The following ZNF385D variants were observed in gnomAD, a reference collection of about 807,000 sequenced individuals.
ZNF385D encodes zinc finger protein 659.
Under a neutral mutation model 35.8 loss-of-function variants are expected in ZNF385D, and 15 were observed. The ratio of observed to expected loss-of-function variants is 0.42; its 90% CI spans 0.28 to 0.64. ZNF385D has a LOEUF of 0.64. ZNF385D is among the 30% of genes least tolerant of loss of function. The pLI is 0.23. For synonymous variants in ZNF385D, 212 were observed against 186.8 expected (o/e 1.13, Z -1.10); for missense variants, 474 against 494.6 (o/e 0.96, Z 0.39).
At chr3:21,932,797 C>A (rs899943144) in intron 3 of ZNF385D, among the ~76,000 whole-genome samples, 1 of 152,084 alleles carries the variant, frequency 6.6e-6, no homozygotes, top group Non-Finnish European at 1.5e-5. Flanking sequence ...AGAATAAAAA[C>A]AGCATAGAAA....
chr3:22,098,667 A>G (rs1247085325), intron 3 of ZNF385D, among the ~76,000 whole-genome samples: 3 of 152,114 alleles, frequency 2.0e-5, no homozygotes, highest in Non-Finnish European at 2.9e-5. Flanking sequence ...AATGACATGA[A>G]CAATTTATTC....
chr3:21,839,212 G>C (rs1019568952), intron 3 of ZNF385D, among the ~76,000 whole-genome samples: 6 of 151,936 alleles, frequency 3.9e-5, no homozygotes, highest in African/African-American at 1.4e-4. Context: ...CCATTTTTTT[G>C]GTAACATTTT....
intron 3 of ZNF385D, among the ~76,000 whole-genome samples, chr3:21,854,962 G>A (rs1696626205): frequency 6.6e-6 from 1 of 151,792 alleles, no homozygotes; most frequent in South Asian, 2.1e-4. Flanking sequence ...CAAACATTAA[G>A]TACCTACTTT....
At chr3:22,260,607 G>C (rs942075173) in intron 2 of ZNF385D, among the ~76,000 whole-genome samples, 1 of 151,750 alleles carries the variant, frequency 6.6e-6, no homozygotes, top group Non-Finnish European at 1.5e-5. Context: ...AATTTGATAG[G>C]TATTTTAGAA....
chr3:21,669,820 T>C (rs1006731212), intron 1 of ZNF385D, among the ~76,000 whole-genome samples: 8 of 152,224 alleles, frequency 5.3e-5, no homozygotes, highest in Non-Finnish European at 1.0e-4. Context: ...CATTTTTTTC[T>C]CTTCGCTTAT....
chr3:22,171,680 T>A (rs1344414350), intron 2 of ZNF385D, among the ~76,000 whole-genome samples: 1 of 151,788 alleles, frequency 6.6e-6, no homozygotes, highest in African/African-American at 2.4e-5. Context: ...ATCGAGACCA[T>A]CGTGGCTAAC....
chr3:21,660,199 A>G (rs898434027), intron 2 of ZNF385D, among the ~76,000 whole-genome samples: 1 of 151,998 alleles, frequency 6.6e-6, no homozygotes. Flanking sequence ...TATACAGAGG[A>G]GCAGCACAGA....
Position 21,792,214 on chromosome 3 carries a change from C to T in ZNF385D, c.326-127186G>A, listed in dbSNP as rs192875014. Among the ~76,000 whole-genome samples the T allele has an allele frequency of 2.6e-5, 4 of 152,068 alleles. No homozygotes were observed. In the East Asian group the frequency reaches 7.7e-4, roughly 29 times the overall value. On this transcript the variant is annotated intron_variant, in intron 3 of 5. Coordinates refer to the ZNF385D transcript ENST00000494108. ...TGATGGGGCAGATACATTCTGATGCCCCTCTTGATTTTAATATTCAATGAC... is the reference window on the plus strand; with the variant it reads ...TGATGGGGCAGATACATTCTGATGCTCCTCTTGATTTTAATATTCAATGAC...
chr3:22,138,620 A>G (rs1203695390), intron 3 of ZNF385D, among the ~76,000 whole-genome samples: 2 of 151,938 alleles, frequency 1.3e-5, no homozygotes, highest in African/African-American at 4.8e-5. Flanking sequence ...CTATATGTAG[A>G]AAGCTGAAAC....
chr3:21,949,930 C>A (rs963379422), intron 3 of ZNF385D, among the ~76,000 whole-genome samples: 9 of 152,176 alleles, frequency 5.9e-5, no homozygotes, highest in Middle Eastern at 3.4e-3. Flanking sequence ...TGTATATGTG[C>A]CACATTTTCT....
intron 3 of ZNF385D, among the ~76,000 whole-genome samples, chr3:22,007,540 G>C (rs1433803551): frequency 6.6e-6 from 1 of 152,186 alleles, no homozygotes; most frequent in Non-Finnish European, 1.5e-5. Flanking sequence ...ATGGGAAATG[G>C]TTATGTAATT....
chr3:21,887,917 G>A (rs1193151473), intron 3 of ZNF385D, among the ~76,000 whole-genome samples: 1 of 152,004 alleles, frequency 6.6e-6, no homozygotes, highest in Non-Finnish European at 1.5e-5. Context: ...TTTTAAATGG[G>A]TTACACATGT....
At chr3:22,284,617 C>G (rs1701934504) in intron 2 of ZNF385D, among the ~76,000 whole-genome samples, 2 of 151,716 alleles carry the variant, frequency 1.3e-5, no homozygotes, top group South Asian at 2.1e-4. Context: ...ATCTTAATTT[C>G]AAAAGTACAG....
At chr3:22,260,971 A>C (rs541612083) in intron 2 of ZNF385D, among the ~76,000 whole-genome samples, 9 of 152,174 alleles carry the variant, frequency 5.9e-5, no homozygotes, top group African/African-American at 1.4e-4. Context: ...GGAATTCTTC[A>C]GAAACTTAAA....
intron 2 of ZNF385D, among the ~76,000 whole-genome samples, chr3:22,280,315 G>A (rs957028526): frequency 3.4e-5 from 5 of 148,514 alleles, no homozygotes; most frequent in Non-Finnish European, 7.4e-5. Context: ...TGTTGCCTTT[G>A]CTTTTGGGTT....
intron 3 of ZNF385D, among the ~76,000 whole-genome samples, chr3:21,833,519 C>T (rs1460734977): frequency 6.6e-6 from 1 of 152,084 alleles, no homozygotes; most frequent in African/African-American, 2.4e-5. Context: ...GAGTGGTTTT[C>T]CCATAAAAAC....
intron 3 of ZNF385D, among the ~76,000 whole-genome samples, chr3:22,026,531 A>G (rs375097922): frequency 1.1e-4 from 16 of 152,304 alleles, no homozygotes; most frequent in Admixed American, 5.9e-4. Flanking sequence ...AAGTCAGACA[A>G]TTAATGGAGT....
At chr3:21,753,535 A>G (rs574947029), upstream of ZNF385D, among the ~76,000 whole-genome samples, 18 of 152,306 alleles carry the variant, frequency 1.2e-4, no homozygotes, top group South Asian at 3.5e-3. Flanking sequence ...TGTAATATCT[A>G]TACAATGTAA....
At chr3:21,772,361 G>A (rs1044714224) in intron 3 of ZNF385D, among the ~76,000 whole-genome samples, 6 of 148,920 alleles carry the variant, frequency 4.0e-5, no homozygotes, top group Non-Finnish European at 7.5e-5. Flanking sequence ...AATATAGAGA[G>A]AACTCCTAAA....
Sources: allele counts gnomAD v4.1 joint callset (sites outside exome capture counted in the v4.1 genomes callset), GRCh38; gene constraint gnomAD v4.1.1; transcripts MANE v1.5; gene names NCBI Gene and HGNC (gene_info 2026-07-23, HGNC 2026-07-21).